Variants in G3BP2 observed in about 807,000 individuals in gnomAD.
G3BP2 encodes G3BP stress granule assembly factor 2.
G3BP2 carries 11 observed loss-of-function variants against 56.7 expected under a neutral mutation model. That is an observed-to-expected ratio of 0.19 (90% CI 0.12 to 0.32). The LOEUF (loss-of-function observed/expected upper bound fraction) is 0.32, where lower values mean the gene tolerates loss of function less well. Among genes scored for constraint, G3BP2 ranks in the 10% least tolerant of loss-of-function variants. G3BP2 has a pLI of 1.00. For synonymous variants in G3BP2, 165 were observed against 191.6 expected, an observed-to-expected ratio of 0.86 and a Z score of 1.15; for missense variants, 340 against 610.9, an observed-to-expected ratio of 0.56 and a Z score of 4.67.
At chr4:75,673,609 C>G, upstream of G3BP2, 1 of 1,231,426 alleles carries the variant, frequency 8.1e-7, no homozygotes, top group Non-Finnish European at 1.0e-6. Context: ...GAACCGGAAC[C>G]GGCCTAAAGC....
chr4:75,698,198 G>A (rs180746262), intron 3 of G3BP2, among the ~76,000 whole-genome samples: 20 of 152,230 alleles, frequency 1.3e-4, no homozygotes, highest in Non-Finnish European at 2.6e-4. Context: ...GTAATACAGA[G>A]AGTCCTCATA....
intron 3 of G3BP2, among the ~76,000 whole-genome samples, chr4:75,679,118 G>C (rs545207865): frequency 1.3e-5 from 2 of 152,330 alleles, no homozygotes; most frequent in Admixed American, 6.5e-5. Flanking sequence ...TTTAGAAAGA[G>C]AGCCCAGAGT....
chr4:75,696,421 T>G (rs1258825055), intron 3 of G3BP2, among the ~76,000 whole-genome samples: 2 of 152,174 alleles, frequency 1.3e-5, no homozygotes, highest in Non-Finnish European at 2.9e-5. Flanking sequence ...CTTGTTATAT[T>G]TCTTCCTTTT....
chr4:75,691,947 A>C (rs1718876018), intron 3 of G3BP2, among the ~76,000 whole-genome samples: 1 of 152,160 alleles, frequency 6.6e-6, no homozygotes, highest in Non-Finnish European at 1.5e-5. Flanking sequence ...GATTTTCCCA[A>C]AGAACTGAAA....
intron 1 of G3BP2, among the ~76,000 whole-genome samples, chr4:75,669,311 A>G (rs1467058141): frequency 6.6e-6 from 1 of 152,200 alleles, no homozygotes; most frequent in Non-Finnish European, 1.5e-5. Flanking sequence ...TATTTCTGTT[A>G]AAAGTGTCAT....
intron 3 of G3BP2, among the ~76,000 whole-genome samples, chr4:75,716,337 C>G (rs1449074928): frequency 6.6e-6 from 1 of 151,672 alleles, no homozygotes; most frequent in Non-Finnish European, 1.5e-5. Context: ...GCCCAGCCAG[C>G]TAATTTTTTG....
At chr4:75,709,673 T>C (rs1459479264) in intron 3 of G3BP2, among the ~76,000 whole-genome samples, 1 of 152,024 alleles carries the variant, frequency 6.6e-6, no homozygotes, top group East Asian at 1.9e-4. Flanking sequence ...ATTTAAAGAA[T>C]GCAGTTGTGT....
chr4:75,710,794 G>A (rs923747844), intron 3 of G3BP2, among the ~76,000 whole-genome samples: 1 of 151,802 alleles, frequency 6.6e-6, no homozygotes, highest in Non-Finnish European at 1.5e-5. Flanking sequence ...AGCCTCCCAC[G>A]TAGCTGGAAC....
At chr4:75,685,327 C>G (rs868237701) in intron 3 of G3BP2, among the ~76,000 whole-genome samples, 8 of 151,876 alleles carry the variant, frequency 5.3e-5, no homozygotes, top group Non-Finnish European at 5.9e-5. Context: ...ATGGTGAAAC[C>G]CTGTCTCTAC....
chr4:75,645,563 C>T lies in G3BP2; in HGVS notation c.1316G>A (p.Gly439Glu). Residue 439 changes from glycine to glutamate, a missense_variant, in exon 12 of 12, where the codon GGA (glycine) becomes GAA (glutamate). Physicochemically the swap from Gly to Glu is moderately conservative, Grantham distance 98 (BLOSUM62 -2). This residue lies in a region of G3BP2 where 94 missense variants were observed against 173.8 expected (regional missense o/e 0.54). Coordinates refer to ENST00000359707, the MANE Select transcript of G3BP2 (RefSeq NM_203505.3). Reference protein sequence around the residue: ...RNDRGPGGPRGIVGGGMMRDR... With the variant: ...RNDRGPGGPREIVGGGMMRDR... The stretch of plus-strand genomic sequence containing the variant: ...ACGCATCATTCCACCACCCACAATT[C>T]CACGTGGACCACCGGGACCTCGATC... The T allele has an allele frequency of 6.2e-7, 1 of 1,613,918 alleles. No individual in the cohort carries two copies. Among genetic ancestry groups the T allele is most frequent in the Non-Finnish European group, 8.5e-7 (1 of 1,179,954 alleles).
intron 3 of G3BP2, among the ~76,000 whole-genome samples, chr4:75,683,554 T>C (rs1386219841): frequency 2.0e-5 from 3 of 151,710 alleles, no homozygotes; most frequent in African/African-American, 7.3e-5. Context: ...ACGAGCGAAA[T>C]TCCATCTCAA....
chr4:75,687,284 G>A (rs1400671317), intron 3 of G3BP2, among the ~76,000 whole-genome samples: 1 of 152,152 alleles, frequency 6.6e-6, no homozygotes, highest in Non-Finnish European at 1.5e-5. Flanking sequence ...AGTCTCATAA[G>A]ATCTGATGGT....
At chr4:75,720,376 C>T (rs1447846682) in intron 3 of G3BP2, among the ~76,000 whole-genome samples, 1 of 151,940 alleles carries the variant, frequency 6.6e-6, no homozygotes, top group Non-Finnish European at 1.5e-5. Flanking sequence ...GTGGCGGGCG[C>T]CTGTAGTCCC....
At chr4:75,654,196 G>C in intron 7 of G3BP2, 115 bp from the exon 8 acceptor site, 1 of 587,326 alleles carries the variant, frequency 1.7e-6, no homozygotes, top group Non-Finnish European at 3.1e-6. Flanking sequence ...CTCTATATTG[G>C]AAGACTCCTA....
chr4:75,693,202 C>A (rs778985684), intron 3 of G3BP2, among the ~76,000 whole-genome samples: 70 of 152,186 alleles, frequency 4.6e-4, no homozygotes, highest in Non-Finnish European at 8.2e-4. Flanking sequence ...CGAGAGCATG[C>A]CACTTCACTC....
intron 3 of G3BP2, among the ~76,000 whole-genome samples, chr4:75,688,855 G>A (rs1718732139): frequency 6.6e-6 from 1 of 152,230 alleles, no homozygotes. Context: ...TATGGTACTT[G>A]ATAGTGTACT....
intron 3 of G3BP2, among the ~76,000 whole-genome samples, chr4:75,701,758 CT>C (rs1719354128): frequency 6.6e-6 from 1 of 152,120 alleles, no homozygotes; most frequent in Non-Finnish European, 1.5e-5. Flanking sequence ...TGTTTGAAGG[CT>C]TTTGGACTCA....
Position 75,645,715 on chromosome 4 carries a change from G to T in G3BP2, c.1177-13C>A. 6.2e-7 allele frequency: 1 copy of T among 1,610,448 alleles called. No homozygotes were observed. Among genetic ancestry groups the T allele is most frequent in the Non-Finnish European group, 8.5e-7 (1 of 1,177,806 alleles). ...GAAACATAATCGGCTTTATAAAAGA[G>T]AAGAAAAATATTTACATGGGCAGGT... On this transcript the variant is annotated splice_polypyrimidine_tract_variant and intron_variant, in intron 11 of 11. Transcript: ENST00000359707.
rs987282896 is a variant in G3BP2, at chr4:75,673,386, G to A, written c.-203C>T. ...CACCTCTTCCCGGGCGCCAGGCGCT[G>A]CGACGTGCGACAAGGACCACGGACG... On this transcript the variant is annotated 5_prime_UTR_variant, in exon 1 of 12. Coordinates refer to ENST00000359707, the MANE Select transcript of G3BP2 (RefSeq NM_203505.3). 5.7e-6 allele frequency: 7 copies of A among 1,232,094 alleles called. No individual in the cohort carries two copies. Among genetic ancestry groups the A allele is most frequent in the African/African-American group, 3.1e-5 (2 of 64,442 alleles). The allele number at this position is 1,232,094 out of a possible 1,614,324, so 76.3% of individuals were successfully genotyped here.
Sources: gnomAD v4.1 joint callset for allele counts (sites outside exome capture counted in the v4.1 genomes callset) on GRCh38, gnomAD v4.1.1 for gene constraint, gnomAD v4.1.1 regional missense constraint, MANE v1.5 for transcripts, NCBI Gene and HGNC (gene_info 2026-07-23, HGNC 2026-07-21) for gene names.